SMOC1: variants seen among roughly 807,000 people sequenced by gnomAD.
SMOC1 encodes the protein SPARC-related modular calcium-binding protein 1.
A neutral mutation model predicts 56.3 loss-of-function variants in SMOC1; 22 were observed. The ratio of observed to expected loss-of-function variants is 0.39; its 90% confidence interval spans 0.28 to 0.56. The LOEUF (loss-of-function observed/expected upper bound fraction) is 0.56. Ranked by LOEUF, SMOC1 falls within the 20% of genes least tolerant of loss-of-function variation. The pLI is 0.61. For missense variants in SMOC1, 509 were observed against 565.4 expected, an observed-to-expected ratio of 0.90 and a Z score of 1.01; for synonymous variants, 193 against 215.0, an observed-to-expected ratio of 0.90 and a Z score of 0.89.
intron 3 of SMOC1, among the ~76,000 whole-genome samples, chr14:69,971,450 C>T (rs1199374626): frequency 2.0e-5 from 3 of 152,202 alleles, no homozygotes; most frequent in African/African-American, 7.2e-5. Context: ...TCCTAGGATG[C>T]TTCGGAGTGG....
intron 5 of SMOC1, among the ~76,000 whole-genome samples, chr14:69,980,066 G>A (rs542239391): frequency 6.6e-6 from 1 of 152,164 alleles, no homozygotes; most frequent in African/African-American, 2.4e-5. Flanking sequence ...GCTGGAAGTG[G>A]GGGGGTGAGG....
At chr14:69,921,528 G>A (rs1884842423) in intron 1 of SMOC1, among the ~76,000 whole-genome samples, 2 of 152,164 alleles carry the variant, frequency 1.3e-5, no homozygotes, top group South Asian at 4.1e-4. Flanking sequence ...GTCACATGCT[G>A]AGTCCTGGGG....
intron 1 of SMOC1, among the ~76,000 whole-genome samples, chr14:69,930,598 G>A (rs1025177206): frequency 2.0e-5 from 3 of 152,182 alleles, no homozygotes. Flanking sequence ...TTTAGGAGTA[G>A]GAGGTCTGAG....
rs117950119 is a variant in SMOC1 at position 69,987,263 on chromosome 14, A to G, written c.527-5154A>G. On this transcript the variant is annotated intron_variant, in intron 5 of 11. Coordinates refer to ENST00000361956, the MANE Select transcript of SMOC1 (RefSeq NM_001034852.3). ...GCCTGAAAGAATATGAGGGAGGGTC[A>G]CCAGTGATGGACATGGTTTGGGGAG... Among the ~76,000 whole-genome samples, 176 of 152,348 alleles carry G rather than the reference A, an allele frequency of 1.2e-3. 4 individuals carry two copies. In the East Asian group the frequency reaches 0.031, roughly 27 times the overall value.
In SMOC1 at chr14:70,016,125, C is replaced by T. The variant is rs1260011726; in HGVS notation, c.1046+2634C>T. Among the ~76,000 whole-genome samples, 4 of 152,098 alleles carry T rather than the reference C, an allele frequency of 2.6e-5. 1 individual carries two copies. The highest frequency in any genetic ancestry group is 4.8e-5 in the African/African-American group (2 of 41,412). ...CCCAAGAGCACTGCGTGGGCTCTGCCGCAGGTGGGGGACGCAGATGGGCCC... is the reference window on the plus strand; with the variant it reads ...CCCAAGAGCACTGCGTGGGCTCTGCTGCAGGTGGGGGACGCAGATGGGCCC... On this transcript the variant is annotated intron_variant, in intron 10 of 11. Transcript: ENST00000361956.
At chr14:69,957,471 G>A (rs1883228712) in intron 3 of SMOC1, among the ~76,000 whole-genome samples, 1 of 152,124 alleles carries the variant, frequency 6.6e-6, no homozygotes, top group Non-Finnish European at 1.5e-5. Flanking sequence ...GAGAGCCTAA[G>A]ACAAGTTGTA....
At chr14:69,930,427 T>A (rs1219719265) in intron 1 of SMOC1, among the ~76,000 whole-genome samples, 3 of 152,170 alleles carry the variant, frequency 2.0e-5, no homozygotes, top group African/African-American at 7.2e-5. Flanking sequence ...CCGAGTCCTC[T>A]TTTGTGCAAC....
intron 6 of SMOC1, among the ~76,000 whole-genome samples, chr14:69,994,050 AT>A (rs1884673385): frequency 6.6e-6 from 1 of 152,138 alleles, no homozygotes; most frequent in Non-Finnish European, 1.5e-5. Flanking sequence ...TTGTTGATTT[AT>A]CCCCTTTAAA....
At chr14:69,931,866 T>G (rs1885173855) in intron 1 of SMOC1, among the ~76,000 whole-genome samples, 1 of 152,242 alleles carries the variant, frequency 6.6e-6, no homozygotes, top group Non-Finnish European at 1.5e-5. Flanking sequence ...TTTCTACTTC[T>G]GATTCTTGTC....
chr14:69,932,057 C>G (rs1172229975), intron 1 of SMOC1, among the ~76,000 whole-genome samples: 3 of 152,234 alleles, frequency 2.0e-5, no homozygotes, highest in African/African-American at 7.2e-5. Flanking sequence ...CTTTGCCATC[C>G]CGTTCCTCAG....
chr14:69,950,001 G>C (rs7142362), intron 1 of SMOC1, among the ~76,000 whole-genome samples: 2 of 152,136 alleles, frequency 1.3e-5, no homozygotes, highest in Admixed American at 1.3e-4. Context: ...TGGAGATGAT[G>C]ATCTGAGTTA....
chr14:69,958,925 A>T (rs1317757433), intron 3 of SMOC1, among the ~76,000 whole-genome samples: 1 of 152,192 alleles, frequency 6.6e-6, no homozygotes, highest in African/African-American at 2.4e-5. Flanking sequence ...TTAACCAGAT[A>T]ATTAAGATGA....
intron 3 of SMOC1, among the ~76,000 whole-genome samples, chr14:69,965,953 A>AT (rs1292593112): frequency 1.3e-5 from 2 of 152,010 alleles, no homozygotes; most frequent in East Asian, 3.9e-4. Context: ...AGGGATCAGA[A>AT]TTTTTTTTCA....
chr14:69,958,563 G>T (rs1272999765), intron 3 of SMOC1, among the ~76,000 whole-genome samples: 5 of 152,138 alleles, frequency 3.3e-5, no homozygotes, highest in Non-Finnish European at 7.3e-5. Context: ...TCAGATAAAG[G>T]GAAAAGGGTG....
intron 8 of SMOC1, 64 bp from the exon 9 acceptor site, chr14:70,011,421 T>A (rs1885332450): frequency 6.9e-7 from 1 of 1,443,818 alleles, no homozygotes; most frequent in Non-Finnish European, 9.8e-7. Context: ...TGCTGGGCAG[T>A]AGTGACTGAA....
intron 6 of SMOC1, among the ~76,000 whole-genome samples, chr14:69,993,161 G>C (rs1884624684): frequency 6.6e-6 from 1 of 152,060 alleles, no homozygotes; most frequent in African/African-American, 2.4e-5. Flanking sequence ...TTGGCCAGTG[G>C]GACTGGTTTG....
At chr14:70,013,822 T>C (rs1885417950) in intron 10 of SMOC1, among the ~76,000 whole-genome samples, 1 of 152,098 alleles carries the variant, frequency 6.6e-6, no homozygotes, top group African/African-American at 2.4e-5. Context: ...GGAAGGGTGA[T>C]GGTTATATCA....
chr14:69,994,354 A>T (rs192161997), intron 6 of SMOC1, 46 bp from the exon 7 acceptor site: 1 of 1,453,998 alleles, frequency 6.9e-7, no homozygotes, highest in East Asian at 2.3e-5. Flanking sequence ...CCACTCACAT[A>T]GTCTCTTTGC....
intron 10 of SMOC1, among the ~76,000 whole-genome samples, chr14:70,022,484 A>G (rs1885761260): frequency 6.6e-6 from 1 of 152,208 alleles, no homozygotes; most frequent in Non-Finnish European, 1.5e-5. Flanking sequence ...TCCACCCCAG[A>G]TCCCCTGACT....
Sources: allele counts gnomAD v4.1 joint callset (sites outside exome capture counted in the v4.1 genomes callset), GRCh38; gene constraint gnomAD v4.1.1; transcripts MANE v1.5; gene names NCBI Gene and HGNC (gene_info 2026-07-23, HGNC 2026-07-21).